The following USP26 variants were observed in gnomAD, a reference collection of about 807,000 sequenced individuals.
USP26 encodes ubiquitin specific peptidase 26, also known as ubiquitin carboxyl-terminal hydrolase 26.
For missense variants in USP26, 649 were observed against 642.3 expected (o/e 1.01, Z -0.11); for synonymous variants, 236 against 240.6 (o/e 0.98, Z 0.18).
chrX:133,078,705 C>A (rs1301401123), intron 5 of USP26, among the ~76,000 whole-genome samples: 1 of 112,286 alleles, frequency 8.9e-6, no homozygotes, highest in African/African-American at 3.2e-5. Flanking sequence ...TGTATGCTGA[C>A]AACTAAAAGC....
At chrX:133,049,932 G>A (rs1381031246) in intron 5 of USP26, among the ~76,000 whole-genome samples, 1 of 112,241 alleles carries the variant, frequency 8.9e-6, no homozygotes, top group Non-Finnish European at 1.9e-5. Flanking sequence ...ACCAGATTAT[G>A]TGTGCATATA....
At chrX:133,082,275 G>A (rs1206668650) in intron 5 of USP26, among the ~76,000 whole-genome samples, 1 of 111,946 alleles carries the variant, frequency 8.9e-6, no homozygotes, top group East Asian at 2.8e-4. Flanking sequence ...GTCCTTGAAG[G>A]TAAGAAACCA....
At chrX:133,062,433 G>T (rs2067496651) in intron 5 of USP26, among the ~76,000 whole-genome samples, 1 of 112,157 alleles carries the variant, frequency 8.9e-6, no homozygotes, top group African/African-American at 3.2e-5. Flanking sequence ...GTCTCCTCAA[G>T]TAGGTCCCTG....
chrX:133,027,441 C>A lies in USP26; in HGVS notation c.780G>T (p.Glu260Asp), dbSNP rs1348033613. 2 of 1,211,147 alleles carry A rather than the reference C, an allele frequency of 1.7e-6. No homozygotes were observed. The highest frequency in any genetic ancestry group is 4.3e-5 in the Admixed American group (2 of 46,008). The change falls in exon 6 of 6, where the codon GAG becomes GAT. Residue 260 changes from glutamate (E) to aspartate (D), a missense_variant. Coordinates refer to ENST00000511190, the MANE Select transcript of USP26 (RefSeq NM_031907.3). ...DDIGLLQALTEKMVLVFLLQQ... is the reference protein window; with the variant it reads ...DDIGLLQALTDKMVLVFLLQQ... ...GTAACAGAAATACCAAAACCATTTTCTCAGTGAGAGCTTGGAGAAGACCAA... is the reference window on the plus strand; with the variant it reads ...GTAACAGAAATACCAAAACCATTTTATCAGTGAGAGCTTGGAGAAGACCAA...
chrX:133,029,184 T>A (rs1203202320), intron 5 of USP26, among the ~76,000 whole-genome samples: 2 of 112,487 alleles, frequency 1.8e-5, no homozygotes, highest in African/African-American at 6.5e-5. Flanking sequence ...AAAGTATACA[T>A]CCAAGAATTA....
At chrX:133,071,278 C>T (rs1426755342) in intron 5 of USP26, among the ~76,000 whole-genome samples, 1 of 110,627 alleles carries the variant, frequency 9.0e-6, no homozygotes, top group African/African-American at 3.3e-5. Context: ...AACAAACACA[C>T]CCCCAACATG....
chrX:133,065,581 C>T (rs1050658564), intron 5 of USP26, among the ~76,000 whole-genome samples: 1 of 112,007 alleles, frequency 8.9e-6, no homozygotes, highest in Admixed American at 9.5e-5. Flanking sequence ...ATACCCAAAA[C>T]AATAAATGTA....
chrX:133,059,316 C>T (rs2067487248), intron 5 of USP26, among the ~76,000 whole-genome samples: 1 of 111,463 alleles, frequency 9.0e-6, no homozygotes, highest in Non-Finnish European at 1.9e-5. Context: ...CAGTTAAGAG[C>T]AACTGCTCTA....
chrX:133,058,442 C>T (rs2067484090), intron 5 of USP26, among the ~76,000 whole-genome samples: 1 of 111,779 alleles, frequency 8.9e-6, no homozygotes, highest in African/African-American at 3.3e-5. Context: ...TTTTGTCTTA[C>T]ACATTTCAAC....
chrX:133,068,726 A>C (rs1319766278), intron 5 of USP26, among the ~76,000 whole-genome samples: 3 of 112,826 alleles, frequency 2.7e-5, no homozygotes, highest in Non-Finnish European at 5.6e-5. Context: ...TGGAGATTCC[A>C]ATCAGCACAA....
At position 133,025,375 on chromosome X, in the gene USP26, T is replaced by C. The variant is rs1210771095; in HGVS notation, c.*104A>G. On this transcript the variant is annotated 3_prime_UTR_variant, in exon 6 of 6. Transcript: ENST00000511190. ...TGTTTGACCTTTGGTCCTAGACTAA[T>C]TGCATTTTCATCTCTGGATAAAGTT... 10 of 1,156,503 alleles carry C rather than the reference T, an allele frequency of 8.6e-6. No individual in the cohort carries two copies. Among genetic ancestry groups the C allele is most frequent in the Non-Finnish European group, 1.2e-5 (10 of 862,103 alleles).
At position 133,024,115 on chromosome X, in the gene USP26, T is replaced by C. The variant is rs1442800427; in HGVS notation, c.*1364A>G. Among the ~76,000 whole-genome samples the C allele has an allele frequency of 9.0e-6, 1 of 111,218 alleles. No homozygotes were observed. Among genetic ancestry groups the C allele is most frequent in the Admixed American group, 9.6e-5 (1 of 10,390 alleles). ...TTAATGAAATATGACCACCCTAGGA[T>C]CCATGCATCTTTCCCCAGAAGCAGA... On this transcript the variant is annotated 3_prime_UTR_variant, in exon 6 of 6. Coordinates refer to ENST00000511190, the MANE Select transcript of USP26 (RefSeq NM_031907.3).
chrX:133,057,844 T>TTATA (rs1198872172), intron 5 of USP26, among the ~76,000 whole-genome samples: 725 of 30,659 alleles, frequency 0.024, 64 homozygotes, highest in African/African-American at 0.051. Flanking sequence ...ATACTTTACA[T>TTATA]TATATATATA....
intron 5 of USP26, among the ~76,000 whole-genome samples, chrX:133,053,537 T>A (rs7888637): frequency 0.095 from 8,612 of 90,816 alleles, 688 homozygotes; most frequent in African/African-American, 0.27. Flanking sequence ...GACTCTTTTT[T>A]AAAAAAAAAA....
At chrX:133,070,485 C>T (rs750345978) in intron 5 of USP26, among the ~76,000 whole-genome samples, 29 of 111,484 alleles carry the variant, frequency 2.6e-4, no homozygotes, top group African/African-American at 8.5e-4. Flanking sequence ...TGCATTTTCT[C>T]GAGAGTCTTT....
intron 4 of USP26, among the ~76,000 whole-genome samples, chrX:133,088,258 T>C (rs2067596283): frequency 9.0e-6 from 1 of 111,247 alleles, no homozygotes; most frequent in African/African-American, 3.3e-5. Context: ...GTACCAGGGA[T>C]CAGTTTTGTG....
chrX:133,077,898 A>G (rs189362734), intron 5 of USP26, among the ~76,000 whole-genome samples: 2 of 111,421 alleles, frequency 1.8e-5, no homozygotes, highest in East Asian at 2.8e-4. Flanking sequence ...GCTGGACAAC[A>G]TGATGAAACC....
At chrX:133,073,640 C>T (rs897830597) in intron 5 of USP26, among the ~76,000 whole-genome samples, 9 of 110,868 alleles carry the variant, frequency 8.1e-5, no homozygotes, top group African/African-American at 3.0e-4. Context: ...ATGCTCACAC[C>T]ACTCTCCCCT....
chrX:133,047,946 G>C (rs1407583031), intron 5 of USP26, among the ~76,000 whole-genome samples: 7 of 111,879 alleles, frequency 6.3e-5, no homozygotes, highest in Non-Finnish European at 1.3e-4. Flanking sequence ...AGACCAAACA[G>C]ACCAAGACAA....
Sources: allele counts gnomAD v4.1 joint callset (sites outside exome capture counted in the v4.1 genomes callset), GRCh38; gene constraint gnomAD v4.1.1; transcripts MANE v1.5; gene names NCBI Gene and HGNC (gene_info 2026-07-23, HGNC 2026-07-21).